The following CCDC18 variants were observed in gnomAD, a reference collection of about 807,000 sequenced individuals.
CCDC18 encodes the protein coiled-coil domain-containing protein 18.
A neutral mutation model predicts 196.0 loss-of-function variants in CCDC18; 157 were observed. The ratio of observed to expected loss-of-function variants is 0.80; its 90% confidence interval spans 0.70 to 0.91. CCDC18 has a LOEUF of 0.91. CCDC18 is among the 40% of genes least tolerant of loss of function. The pLI is 0.00. For missense variants in CCDC18, 1,465 were observed against 1,611.6 expected (o/e 0.91, Z 1.56); for synonymous variants, 482 against 529.2 (o/e 0.91, Z 1.22).
At position 93,246,894 on chromosome 1, in the gene CCDC18, A is replaced by T. The variant is rs957227910; in HGVS notation, c.3138A>T (p.Ile1046=). 6.5e-7 allele frequency: 1 copy of T among 1,546,574 alleles called. No homozygotes were observed. The highest frequency in any genetic ancestry group is 1.4e-5 in the African/African-American group (1 of 72,312). ...ACAGAGGAGAAATGGAACAAAAAAT[A>T]ATTAAATTAGAAGGTACTCTGGAGA... is the stretch of plus-strand genomic sequence containing the variant. The part of the protein sequence containing the change: ...REHRGEMEQK[I]IKLEGTLEKS... Residue 1046 remains isoleucine (I), a synonymous_variant, in exon 23 of 29, where the codon ATA becomes ATT. Coordinates refer to ENST00000690025, the MANE Select transcript of CCDC18 (RefSeq NM_001378204.1).
At chr1:93,200,525 A>G (rs929164102) in intron 6 of CCDC18, among the ~76,000 whole-genome samples, 5 of 152,184 alleles carry the variant, frequency 3.3e-5, no homozygotes, top group Admixed American at 2.0e-4. Context: ...GAACTGTGAT[A>G]TATACTATTT....
At chr1:93,190,069 C>T (rs575040983) in intron 4 of CCDC18, among the ~76,000 whole-genome samples, 104 of 151,882 alleles carry the variant, frequency 6.8e-4, no homozygotes, top group African/African-American at 2.4e-3. Flanking sequence ...TTTTTTGTTC[C>T]GATTGTTTTG....
rs1401269015 is a variant in CCDC18 at position 93,202,082 on chromosome 1, CAGAG to C, written c.795+97_795+100del. On this transcript the variant is annotated intron_variant, in intron 7 of 28. Coordinates refer to ENST00000690025, the MANE Select transcript of CCDC18 (RefSeq NM_001378204.1). ...AATTAAAATATGTTTATGGTTGAGA[CAGAG>C]AGTAATTTTTATGATCTTACAAAAT... 6.2e-5 allele frequency: 37 copies of C among 601,482 alleles called. 1 individual carries two copies. In the South Asian group the frequency reaches 1.1e-3, roughly 18 times the overall value. 37.3% of individuals were successfully genotyped at this position (601,482 alleles called of 1,614,324 possible).
chr1:93,206,385 CT>C (rs2101908291), intron 8 of CCDC18, among the ~76,000 whole-genome samples: 1 of 152,160 alleles, frequency 6.6e-6, no homozygotes, highest in Admixed American at 6.5e-5. Context: ...TGATGCAATC[CT>C]TTATCACTTA....
intron 12 of CCDC18, 59 bp from the exon 13 acceptor site, chr1:93,216,577 A>G: frequency 3.6e-6 from 3 of 835,366 alleles, no homozygotes; most frequent in South Asian, 3.6e-5. Flanking sequence ...GTTTGATCTT[A>G]GAATGCAAAA....
chr1:93,244,391 C>A (rs900657314), intron 21 of CCDC18, among the ~76,000 whole-genome samples: 1 of 152,138 alleles, frequency 6.6e-6, no homozygotes, highest in Non-Finnish European at 1.5e-5. Flanking sequence ...ATTATTCAGT[C>A]ATAAAAACGA....
At chr1:93,239,218 C>A in intron 19 of CCDC18, 92 bp from the exon 20 acceptor site, 2 of 922,954 alleles carry the variant, frequency 2.2e-6, no homozygotes, top group Non-Finnish European at 1.6e-6. Flanking sequence ...TGATATTTGT[C>A]CTTATATAAC....
At chr1:93,236,224 G>C in intron 18 of CCDC18, 24 bp from the exon 19 acceptor site, 1 of 1,543,512 alleles carries the variant, frequency 6.5e-7, no homozygotes, top group Non-Finnish European at 8.7e-7. Context: ...AATTTAAAAT[G>C]TTTACTGAAA....
chr1:93,223,101 G>A (rs1199223948), intron 16 of CCDC18, among the ~76,000 whole-genome samples: 1 of 152,156 alleles, frequency 6.6e-6, no homozygotes, highest in Admixed American at 6.5e-5. Context: ...ACTGTACAGA[G>A]ATTGTAGGCA....
chr1:93,230,086 TATC>T (rs1658999387), intron 17 of CCDC18, among the ~76,000 whole-genome samples: 1 of 152,042 alleles, frequency 6.6e-6, no homozygotes, highest in Non-Finnish European at 1.5e-5. Flanking sequence ...AGGTAGATTT[TATC>T]ATCTAAATTC....
At chr1:93,183,213 A>AT (rs1650030555) in intron 1 of CCDC18, 147 bp from the exon 2 acceptor site, 4 of 509,456 alleles carry the variant, frequency 7.9e-6, no homozygotes, top group Non-Finnish European at 9.9e-6. Flanking sequence ...ATTATTATTG[A>AT]TTTTTTGTTT....
intron 18 of CCDC18, among the ~76,000 whole-genome samples, chr1:93,235,093 G>C (rs1191807412): frequency 6.6e-6 from 1 of 151,202 alleles, no homozygotes; most frequent in Non-Finnish European, 1.5e-5. Context: ...CCAAAGTGCT[G>C]GGATTATAGG....
At chr1:93,243,669 A>G (rs1339063782) in intron 21 of CCDC18, among the ~76,000 whole-genome samples, 1 of 152,190 alleles carries the variant, frequency 6.6e-6, no homozygotes, top group Admixed American at 6.5e-5. Flanking sequence ...TTCTTCCACC[A>G]GATACGCTAA....
At chr1:93,180,924 G>A (rs747417979) in intron 1 of CCDC18, 72 bp downstream of exon 1, 24 of 1,330,626 alleles carry the variant, frequency 1.8e-5, no homozygotes, top group Non-Finnish European at 2.3e-5. Flanking sequence ...GGCTTACCTG[G>A]GGGAGTTCTG....
At chr1:93,246,068 C>T (rs1190742347) in intron 21 of CCDC18, 37 bp from the exon 22 acceptor site, 1 of 1,430,596 alleles carries the variant, frequency 7.0e-7, no homozygotes, top group Admixed American at 2.1e-5. Context: ...TACTCTTCTA[C>T]TATCTGCTTT....
chr1:93,270,865 C>T (rs1333887287), intron 28 of CCDC18, 51 bp downstream of exon 28: 8 of 1,373,718 alleles, frequency 5.8e-6, no homozygotes, highest in Non-Finnish European at 7.6e-6. Flanking sequence ...CAAAGAATAT[C>T]ATTTTATTAC....
intron 26 of CCDC18, among the ~76,000 whole-genome samples, chr1:93,263,595 C>T (rs1443656294): frequency 1.3e-5 from 2 of 152,172 alleles, no homozygotes; most frequent in African/African-American, 2.4e-5. Flanking sequence ...TCTGAGACCA[C>T]CTGAGCTTGC....
chr1:93,212,204 A>G lies in CCDC18; in HGVS notation c.1438A>G (p.Ser480Gly), dbSNP rs188439846. The change falls in exon 11 of 29, where the codon AGT becomes GGT. Residue 480 changes from serine to glycine, a missense_variant. Physicochemically the swap from Ser to Gly is moderately conservative, Grantham distance 56 (BLOSUM62 0). Coordinates refer to ENST00000690025, the MANE Select transcript of CCDC18 (RefSeq NM_001378204.1). Reference protein sequence around the residue: ...SLITCNDSQESSKLSSLETEP... With the variant: ...SLITCNDSQEGSKLSSLETEP... ...TATTACTTGTAATGACAGCCAAGAA[A>G]GTAGCAAATTAAGTAGTTTAGAAAC... The G allele has an allele frequency of 8.7e-5, 140 of 1,610,892 alleles. No homozygotes were observed. The African/African-American group carries it at 1.7e-3, about 20-fold the overall frequency.
chr1:93,216,562 C>T (rs1481183720), intron 12 of CCDC18, 74 bp from the exon 13 acceptor site: 2 of 655,606 alleles, frequency 3.1e-6, no homozygotes, highest in African/African-American at 3.8e-5. Context: ...GAAAGAGGAG[C>T]AGGTGTTTGA....
Sources: allele counts gnomAD v4.1 joint callset (sites outside exome capture counted in the v4.1 genomes callset), GRCh38; gene constraint gnomAD v4.1.1; transcripts MANE v1.5; gene names NCBI Gene and HGNC (gene_info 2026-07-23, HGNC 2026-07-21).